The following GTF3C2 variants were observed in gnomAD, a reference collection of about 807,000 sequenced individuals.
The protein encoded by GTF3C2 is general transcription factor IIIC subunit 2.
In GTF3C2, 17 loss-of-function variants were observed where a neutral mutation model predicts 117.4. That is an observed-to-expected ratio of 0.14 (90% CI 0.10 to 0.22). The LOEUF is 0.22. Among genes scored for constraint, GTF3C2 ranks in the 10% least tolerant of loss-of-function variants. The probability of loss-of-function intolerance (pLI) is 1.00; values close to 1 mark genes in which losing one functional copy is unlikely to be tolerated. For synonymous variants in GTF3C2, 437 were observed against 427.0 expected, an observed-to-expected ratio of 1.02 and a Z score of -0.29; for missense variants, 888 against 1,143.6, an observed-to-expected ratio of 0.78 and a Z score of 3.22.
At chr2:27,353,537 C>T (rs1017053865) in intron 1 of GTF3C2, among the ~76,000 whole-genome samples, 1 of 151,974 alleles carries the variant, frequency 6.6e-6, no homozygotes, top group East Asian at 1.9e-4. Flanking sequence ...CTCTGGGGTT[C>T]AAGTGATTCT....
Position 27,329,259 on chromosome 2 carries a change from C to G in GTF3C2, c.1901G>C (p.Ser634Thr). 6.2e-7 allele frequency: 1 copy of G among 1,614,220 alleles called. No individual in the cohort carries two copies. The highest frequency in any genetic ancestry group is 8.5e-7 in the Non-Finnish European group (1 of 1,180,034). Reference sequence around the variant, plus strand: ...GTCCCAGAATTTGATTTTCCGGTCACTCCCCGCAGAGACAAGGAAATGGCT... The same window carrying G: ...GTCCCAGAATTTGATTTTCCGGTCAGTCCCCGCAGAGACAAGGAAATGGCT... Residue 634 changes from serine to threonine, a missense_variant, in exon 14 of 19, where the codon AGT becomes ACT. Ser to Thr is a moderately conservative substitution (Grantham distance 58, BLOSUM62 1). Transcript: ENST00000264720. This position sits in a 1 kb window ranked among gnomAD's most constrained non-coding sequence, Gnocchi z 4.5.
exon 19 of GTF3C2, chr2:27,325,927 G>A (rs1243696354): frequency 1.5e-5 from 3 of 197,584 alleles, no homozygotes; most frequent in Non-Finnish European, 1.1e-5. Flanking sequence ...ATACTTAACA[G>A]GGCAATCACA....
intron 1 of GTF3C2, among the ~76,000 whole-genome samples, chr2:27,351,632 C>T (rs1326722393): frequency 6.6e-6 from 1 of 152,136 alleles, no homozygotes; most frequent in Non-Finnish European, 1.5e-5. Context: ...TCCTAGTCTG[C>T]CTTTCTCCTC....
chr2:27,356,120 CGACGGAGTTGAAGTCGCCACCTCT>C, intron 1 of GTF3C2: 1 of 1,288,648 alleles, frequency 7.8e-7, no homozygotes, highest in Non-Finnish European at 1.0e-6. Flanking sequence ...GAGTTGCCTC[CGACGGAGTTGAAGTCGCCACCTCT>C]GACTTCCCCA....
chr2:27,341,922 T>A lies in GTF3C2; in HGVS notation c.855+26A>T, dbSNP rs1051904291. On this transcript the variant is annotated intron_variant, in intron 4 of 18. Coordinates refer to ENST00000264720, the Ensembl canonical transcript of GTF3C2. ...CCCCTAAAATCCTACTATGTCCCCA[T>A]TCACTTTCTTGTCCATTGAGGTTAC... is the stretch of plus-strand genomic sequence containing the variant. 5 of 1,596,848 alleles carry A rather than the reference T, an allele frequency of 3.1e-6. No individual in the cohort carries two copies. The Admixed American group carries it at 5.0e-5, about 16-fold the overall frequency.
chr2:27,329,584 T>A lies in GTF3C2; in HGVS notation c.1733-61A>T. 6.5e-7 allele frequency: 1 copy of A among 1,542,660 alleles called. No individual in the cohort carries two copies. The highest frequency in any genetic ancestry group is 8.9e-7 in the Non-Finnish European group (1 of 1,123,030). The stretch of plus-strand genomic sequence containing the variant: ...AAGTTCTCTCTTCCTTGCTCTAATT[T>A]CTTTCTCTGGGCTCCTAGGACCTTT... On this transcript the variant is annotated intron_variant, in intron 12 of 18. Coordinates refer to ENST00000264720, the Ensembl canonical transcript of GTF3C2. The surrounding 1 kb of genome is among the most constrained non-coding windows in gnomAD (Gnocchi z 4.5).
exon 3 of GTF3C2, chr2:27,342,942 C>T: frequency 3.7e-6 from 6 of 1,614,162 alleles, no homozygotes; most frequent in Non-Finnish European, 5.1e-6. Flanking sequence ...TCAGCAGCAG[C>T]AGCTCTGCCT....
chr2:27,327,246 C>A (rs1172348383), exon 18 of GTF3C2: 25 of 1,609,632 alleles, frequency 1.6e-5, no homozygotes, highest in Admixed American at 5.0e-5. Flanking sequence ...CCTGCATGCG[C>A]AGCATTGGTT....
At chr2:27,345,675 G>A (rs994217867) in intron 1 of GTF3C2, among the ~76,000 whole-genome samples, 5 of 151,792 alleles carry the variant, frequency 3.3e-5, no homozygotes, top group Non-Finnish European at 2.9e-5. Flanking sequence ...TAGACTATGG[G>A]ACAATTAAGG....
intron 1 of GTF3C2, chr2:27,355,967 A>G (rs1245457870): frequency 1.7e-6 from 1 of 578,124 alleles, no homozygotes; most frequent in Non-Finnish European, 2.9e-6. Flanking sequence ...TAAGTAAGTC[A>G]ATTTAAAGAG....
intron 1 of GTF3C2, among the ~76,000 whole-genome samples, chr2:27,352,015 T>G (rs1406289106): frequency 6.6e-6 from 1 of 152,222 alleles, no homozygotes; most frequent in Non-Finnish European, 1.5e-5. Context: ...TCTAACTATC[T>G]GATCTCCCAT....
intron 5 of GTF3C2, 164 bp downstream of exon 5, chr2:27,337,762 G>A (rs1353658920): frequency 1.4e-6 from 1 of 698,502 alleles, no homozygotes; most frequent in African/African-American, 1.8e-5. Flanking sequence ...TTTAATTAAA[G>A]AGTTCTAGAG....
intron 1 of GTF3C2, among the ~76,000 whole-genome samples, chr2:27,347,102 A>G (rs1680943812): frequency 6.6e-6 from 1 of 152,214 alleles, no homozygotes; most frequent in Admixed American, 6.5e-5. Flanking sequence ...AAACTAAGAT[A>G]AATCACTGAC....
intron 1 of GTF3C2, among the ~76,000 whole-genome samples, chr2:27,351,093 C>A (rs966366655): frequency 6.6e-6 from 1 of 151,888 alleles, no homozygotes; most frequent in Non-Finnish European, 1.5e-5. Flanking sequence ...TCCATCCTCA[C>A]AGAGCAAGAC....
intron 10 of GTF3C2, 61 bp from the exon 11 acceptor site, chr2:27,334,060 C>CT (rs1246849752): frequency 7.7e-7 from 1 of 1,307,152 alleles, no homozygotes; most frequent in African/African-American, 1.4e-5. Context: ...AGGTCTTACT[C>CT]TGTCACCCAG....
At chr2:27,342,386 A>G (rs1680767579) in intron 3 of GTF3C2, 153 bp from the exon 4 acceptor site, 2 of 640,334 alleles carry the variant, frequency 3.1e-6, no homozygotes, top group African/African-American at 3.6e-5. Context: ...TGGAAGATGA[A>G]AAACCAGAAA....
exon 5 of GTF3C2, chr2:27,337,981 A>G (rs1369608049): frequency 1.9e-6 from 3 of 1,612,024 alleles, no homozygotes; most frequent in Non-Finnish European, 2.5e-6. Flanking sequence ...TGATTTGGTA[A>G]GCCATTGGGA....
At chr2:27,338,346 C>G in intron 4 of GTF3C2, 1 of 307,020 alleles carries the variant, frequency 3.3e-6, no homozygotes, top group Non-Finnish European at 6.2e-6. Flanking sequence ...CCTCTCCCCT[C>G]TCTTAATATT....
At chr2:27,328,646 T>C in intron 15 of GTF3C2, 50 bp from the exon 16 acceptor site, 2 of 1,497,206 alleles carry the variant, frequency 1.3e-6, no homozygotes, top group African/African-American at 1.4e-5. Context: ...TTCAGAGCTA[T>C]GAACTGGTAA....
Sources: gnomAD v4.1 joint callset for allele counts (sites outside exome capture counted in the v4.1 genomes callset) on GRCh38, gnomAD v4.1.1 for gene constraint, Gnocchi (gnomAD v3.1) non-coding constraint, MANE v1.5 for transcripts, NCBI Gene and HGNC (gene_info 2026-07-23, HGNC 2026-07-21) for gene names.